Variants in MYO1D observed in about 807,000 individuals in gnomAD.
The protein encoded by MYO1D is unconventional myosin-Id.
Under a neutral mutation model 122.0 loss-of-function variants are expected in MYO1D, and 83 were observed. The observed-to-expected ratio is 0.68, with a 90% CI of 0.57 to 0.82. MYO1D has a LOEUF of 0.82. Among genes scored for constraint, MYO1D ranks in the 40% least tolerant of loss-of-function variants. MYO1D has a pLI of 0.00. For missense variants in MYO1D, 1,157 were observed against 1,269.5 expected (o/e 0.91, Z 1.35); for synonymous variants, 464 against 446.9 (o/e 1.04, Z -0.48).
chr17:32,584,386 T>C (rs1029099531), intron 21 of MYO1D, among the ~76,000 whole-genome samples: 9 of 152,212 alleles, frequency 5.9e-5, no homozygotes, highest in Admixed American at 5.9e-4. Context: ...GTTTCTATGA[T>C]GCTGGCCAAC....
intron 1 of MYO1D, among the ~76,000 whole-genome samples, chr17:32,817,180 C>T (rs911636507): frequency 2.0e-5 from 3 of 152,166 alleles, no homozygotes; most frequent in African/African-American, 4.8e-5. Context: ...TCTCCCACCT[C>T]GGCCTCTCAA....
intron 1 of MYO1D, among the ~76,000 whole-genome samples, chr17:32,845,487 A>C (rs2090928017): frequency 6.6e-6 from 1 of 152,200 alleles, no homozygotes; most frequent in African/African-American, 2.4e-5. Flanking sequence ...AGGTTTTACA[A>C]CTACAATCAT....
At chr17:32,783,795 A>G (rs1203741482) in intron 1 of MYO1D, among the ~76,000 whole-genome samples, 1 of 152,224 alleles carries the variant, frequency 6.6e-6, no homozygotes, top group Non-Finnish European at 1.5e-5. Flanking sequence ...AAAGTAATAT[A>G]GTCGCTTACT....
chr17:32,727,936 A>G (rs1377868227), intron 14 of MYO1D, among the ~76,000 whole-genome samples: 1 of 152,228 alleles, frequency 6.6e-6, no homozygotes. Context: ...CAAGGCAAAA[A>G]GCAATATGGA....
intron 1 of MYO1D, among the ~76,000 whole-genome samples, chr17:32,833,656 C>T (rs1372364212): frequency 6.6e-6 from 1 of 152,206 alleles, no homozygotes; most frequent in Non-Finnish European, 1.5e-5. Flanking sequence ...GATCCACCCA[C>T]AGCTCTGACC....
rs61740314 is a variant in MYO1D, at chr17:32,771,153, T to C, written c.686A>G (p.Asn229Ser). The change falls in exon 6 of 22, where the codon AAC (asparagine) becomes AGC (serine). Residue 229 changes from asparagine (N) to serine (S), a missense_variant. Coordinates refer to ENST00000318217, the MANE Select transcript of MYO1D (RefSeq NM_015194.3). The stretch of plus-strand genomic sequence containing the variant: ...TAATTGAGCTCCCACATGAATATAG[T>C]TGTAGGATGAAAGGGATTTCTGGAG... ...LHLQKSLSSY[N>S]YIHVGAQLKS... 10 of 1,609,482 alleles carry C rather than the reference T, an allele frequency of 6.2e-6. No homozygotes were observed. Among genetic ancestry groups the C allele is most frequent in the East Asian group, 4.5e-5 (2 of 44,790 alleles).
chr17:32,840,476 A>AGTATTT (rs2090870119), intron 1 of MYO1D, among the ~76,000 whole-genome samples: 2 of 152,204 alleles, frequency 1.3e-5, no homozygotes, highest in South Asian at 4.1e-4. Context: ...TTCAATGGGC[A>AGTATTT]GTATTTATAT....
At chr17:32,774,538 T>A (rs184303447) in intron 4 of MYO1D, among the ~76,000 whole-genome samples, 1 of 152,162 alleles carries the variant, frequency 6.6e-6, no homozygotes, top group Non-Finnish European at 1.5e-5. Context: ...ATGCCTTATA[T>A]CCTGTAATAA....
At chr17:32,790,599 C>T (rs1194216611) in intron 1 of MYO1D, among the ~76,000 whole-genome samples, 1 of 152,212 alleles carries the variant, frequency 6.6e-6, no homozygotes, top group East Asian at 1.9e-4. Context: ...CAACTTCACA[C>T]AATCTAGATA....
At chr17:32,541,540 G>T (rs557204919) in intron 21 of MYO1D, among the ~76,000 whole-genome samples, 105 of 152,144 alleles carry the variant, frequency 6.9e-4, no homozygotes, top group Non-Finnish European at 1.1e-3. Context: ...AGAAACCTTT[G>T]AATTGCATAC....
At chr17:32,622,264 G>A (rs922315541) in intron 20 of MYO1D, among the ~76,000 whole-genome samples, 5 of 152,030 alleles carry the variant, frequency 3.3e-5, no homozygotes, top group Non-Finnish European at 7.4e-5. Flanking sequence ...CCTTGCTTGA[G>A]TACAGGTCCT....
At chr17:32,540,728 C>G (rs1247075517) in intron 21 of MYO1D, among the ~76,000 whole-genome samples, 2 of 151,822 alleles carry the variant, frequency 1.3e-5, no homozygotes, top group African/African-American at 4.8e-5. Context: ...GAGTTCGAGA[C>G]CAGCCTGGAC....
At chr17:32,494,975 GCCCGGCAGC>G in intron 21 of MYO1D, 60 bp from the exon 22 acceptor site, 1 of 1,494,410 alleles carries the variant, frequency 6.7e-7, no homozygotes, top group Non-Finnish European at 9.0e-7. Context: ...CAGGGCACCT[GCCCGGCAGC>G]TCCCGGCCAC....
chr17:32,564,663 T>C (rs2087156279), intron 21 of MYO1D, among the ~76,000 whole-genome samples: 1 of 152,188 alleles, frequency 6.6e-6, no homozygotes, highest in Non-Finnish European at 1.5e-5. Context: ...ATGGACTAAG[T>C]AGACAGACGA....
At chr17:32,550,573 TC>T (rs2087004051) in intron 21 of MYO1D, among the ~76,000 whole-genome samples, 1 of 152,168 alleles carries the variant, frequency 6.6e-6, no homozygotes, top group Non-Finnish European at 1.5e-5. Flanking sequence ...AATGAGGAAA[TC>T]ACAAACTGAG....
At chr17:32,619,344 C>T (rs2087823670) in intron 20 of MYO1D, among the ~76,000 whole-genome samples, 1 of 152,122 alleles carries the variant, frequency 6.6e-6, no homozygotes, top group Non-Finnish European at 1.5e-5. Context: ...CACAAGGGTA[C>T]ATAAAGCAAG....
At chr17:32,532,598 C>T (rs1046364694) in intron 21 of MYO1D, among the ~76,000 whole-genome samples, 3 of 151,716 alleles carry the variant, frequency 2.0e-5, no homozygotes, top group Middle Eastern at 3.2e-3. Flanking sequence ...GTGGTGGCGG[C>T]GCCTGTAGTC....
intron 1 of MYO1D, among the ~76,000 whole-genome samples, chr17:32,850,226 C>T (rs1022903365): frequency 9.2e-5 from 14 of 152,154 alleles, no homozygotes; most frequent in African/African-American, 2.4e-5. Flanking sequence ...TGATGTCACT[C>T]AAGACCATGT....
At chr17:32,578,571 T>C (rs968899356) in intron 21 of MYO1D, among the ~76,000 whole-genome samples, 2 of 152,216 alleles carry the variant, frequency 1.3e-5, no homozygotes, top group Non-Finnish European at 2.9e-5. Flanking sequence ...ATAACAGAAT[T>C]TGTAATAGAA....
Sources: allele counts gnomAD v4.1 joint callset (sites outside exome capture counted in the v4.1 genomes callset), GRCh38; gene constraint gnomAD v4.1.1; transcripts MANE v1.5; gene names NCBI Gene and HGNC (gene_info 2026-07-23, HGNC 2026-07-21).